The following PTH2R variants were observed in gnomAD, a reference collection of about 807,000 sequenced individuals.
PTH2R encodes PTH2 receptor.
A neutral mutation model predicts 60.3 loss-of-function variants in PTH2R; 59 were observed. The observed-to-expected ratio is 0.98, with a 90% CI of 0.79 to 1.22. The LOEUF (loss-of-function observed/expected upper bound fraction) is 1.22. Among genes scored for constraint, PTH2R ranks in the 50% most tolerant of loss-of-function variants. PTH2R has a pLI of 0.00. For missense variants in PTH2R, 749 were observed against 682.6 expected (o/e 1.10, Z -1.08); for synonymous variants, 256 against 243.8 (o/e 1.05, Z -0.47).
chr2:208,374,094 G>T (rs1178304973), intron 1 of PTH2R, among the ~76,000 whole-genome samples: 5 of 150,514 alleles, frequency 3.3e-5, no homozygotes, highest in Admixed American at 2.6e-4. Flanking sequence ...AAGTGGGAGG[G>T]TCTTTTTTGC....
At chr2:208,379,488 C>T (rs1700872111) in intron 1 of PTH2R, among the ~76,000 whole-genome samples, 1 of 152,106 alleles carries the variant, frequency 6.6e-6, no homozygotes, top group South Asian at 2.1e-4. Flanking sequence ...AAGATATTTG[C>T]TGCATTCAAA....
chr2:208,381,153 T>C (rs1700905933), intron 1 of PTH2R, among the ~76,000 whole-genome samples: 1 of 152,018 alleles, frequency 6.6e-6, no homozygotes, highest in South Asian at 2.1e-4. Flanking sequence ...TTTCAGACCC[T>C]CAGAACCCCA....
chr2:208,429,780 A>T lies in PTH2R; in HGVS notation c.178+1477A>T, dbSNP rs530403262. On this transcript the variant is annotated intron_variant, in intron 2 of 12. Coordinates refer to ENST00000272847, the MANE Select transcript of PTH2R (RefSeq NM_005048.4). ...ATTAAATAACAACTCATATTTCCTC[A>T]TTCTTTTATTAAACTTTTCTGTATA... 4.2e-3 allele frequency among the ~76,000 whole-genome samples: 646 copies of T among 152,270 alleles called. 2 individuals carry two copies. Among genetic ancestry groups the T allele is most frequent in the Non-Finnish European group, 6.9e-3 (468 of 68,014 alleles).
At chr2:208,450,957 C>T (rs1355618729) in intron 8 of PTH2R, 148 bp downstream of exon 8, 3 of 837,352 alleles carry the variant, frequency 3.6e-6, no homozygotes, top group Non-Finnish European at 5.9e-6. Flanking sequence ...ATGGTAGCTT[C>T]CAACACATTA....
At chr2:208,444,964 T>A in intron 7 of PTH2R, 77 bp downstream of exon 7, 1 of 1,420,472 alleles carries the variant, frequency 7.0e-7, no homozygotes, top group Non-Finnish European at 9.6e-7. Flanking sequence ...ATCATTAGCA[T>A]CCCTACAGCC....
intron 1 of PTH2R, among the ~76,000 whole-genome samples, chr2:208,419,340 C>T (rs886703509): frequency 1.3e-5 from 2 of 152,214 alleles, no homozygotes; most frequent in African/African-American, 2.4e-5. Flanking sequence ...AGTGTCTGTT[C>T]ATGTGCTTCG....
Position 208,490,621 on chromosome 2 carries a change from T to G in PTH2R, c.1216-18T>G, listed in dbSNP as rs781411617. ...GTTTCTGAGTTGGCAGTGGGCTGAC[T>G]TTCTCTTTTGTCTGCAGGGTTTCTT... is the stretch of plus-strand genomic sequence containing the variant. On this transcript the variant is annotated intron_variant, in intron 11 of 12. Coordinates refer to ENST00000272847, the MANE Select transcript of PTH2R (RefSeq NM_005048.4). 3.4e-5 allele frequency: 55 copies of G among 1,604,838 alleles called. No homozygotes were observed. The highest frequency in any genetic ancestry group is 4.3e-5 in the Non-Finnish European group (51 of 1,178,118).
At chr2:208,429,430 T>A (rs1701925575) in intron 2 of PTH2R, among the ~76,000 whole-genome samples, 1 of 152,184 alleles carries the variant, frequency 6.6e-6, no homozygotes, top group Non-Finnish European at 1.5e-5. Flanking sequence ...ATATTAGATT[T>A]CCTGGTGAAT....
chr2:208,487,433 C>T lies in PTH2R; in HGVS notation c.1077-1579C>T, dbSNP rs116252306. Among the ~76,000 whole-genome samples, 1,256 of 152,156 alleles carry T rather than the reference C, an allele frequency of 8.3e-3. 5 individuals are homozygous for T. Among genetic ancestry groups the T allele is most frequent in the Non-Finnish European group, 0.012 (837 of 67,976 alleles). ...TGAGATTATTAGAGTGTAAATAATTCACAGAGAAAGGGAGATATTTGCAAT... is the reference window on the plus strand; with the variant it reads ...TGAGATTATTAGAGTGTAAATAATTTACAGAGAAAGGGAGATATTTGCAAT... On this transcript the variant is annotated intron_variant, in intron 10 of 12. Coordinates refer to ENST00000272847, the MANE Select transcript of PTH2R (RefSeq NM_005048.4).
intron 4 of PTH2R, among the ~76,000 whole-genome samples, chr2:208,440,344 A>AT (rs1396689398): frequency 1.3e-5 from 2 of 152,104 alleles, no homozygotes; most frequent in Non-Finnish European, 2.9e-5. Context: ...AATTTGTAAG[A>AT]TTTTTTTTCT....
At chr2:208,409,177 C>T (rs755316016) in intron 1 of PTH2R, among the ~76,000 whole-genome samples, 4 of 151,986 alleles carry the variant, frequency 2.6e-5, no homozygotes, top group Non-Finnish European at 5.9e-5. Flanking sequence ...TTACATTTGC[C>T]GAATTTTTGA....
rs1702228327 is a variant in PTH2R, at chr2:208,443,458, T to G, written c.620T>G (p.Val207Gly). 6.2e-7 allele frequency: 1 copy of G among 1,613,598 alleles called. No homozygotes were observed. The highest frequency in any genetic ancestry group is 1.7e-5 in the Admixed American group (1 of 59,932). ...AGAGTAGTCCATGCTCACATAGGAG[T>G]AAAGGAGCTGGAGTCCCTAATAATG... ...KDRVVHAHIG[V>G]KELESLIMQD... The change falls in exon 6 of 13, where the codon GTA becomes GGA. Residue 207 changes from valine (V) to glycine (G), a missense_variant. Val to Gly is a moderately radical substitution (Grantham distance 109, BLOSUM62 -3). Transcript: ENST00000272847.
At chr2:208,445,994 A>T (rs1702281329) in intron 7 of PTH2R, among the ~76,000 whole-genome samples, 2 of 152,158 alleles carry the variant, frequency 1.3e-5, no homozygotes, top group South Asian at 4.1e-4. Context: ...TTTCTTGACA[A>T]TTTGTGGTAG....
At chr2:208,471,126 G>A (rs1436356548) in intron 9 of PTH2R, among the ~76,000 whole-genome samples, 1 of 152,168 alleles carries the variant, frequency 6.6e-6, no homozygotes, top group Non-Finnish European at 1.5e-5. Context: ...AAGGCATTTA[G>A]TTTTAAAAGG....
chr2:208,457,294 C>T (rs1255329181), intron 8 of PTH2R, among the ~76,000 whole-genome samples: 3 of 152,112 alleles, frequency 2.0e-5, no homozygotes, highest in African/African-American at 7.2e-5. Flanking sequence ...ATGTGAAAAA[C>T]AGATACATGT....
intron 1 of PTH2R, among the ~76,000 whole-genome samples, chr2:208,365,302 T>C (rs1366550880): frequency 6.6e-6 from 1 of 152,188 alleles, no homozygotes; most frequent in Non-Finnish European, 1.5e-5. Flanking sequence ...CTGTGGACTT[T>C]TCCTAAACAA....
chr2:208,489,356 A>G (rs1189977293), intron 11 of PTH2R, among the ~76,000 whole-genome samples: 1 of 152,176 alleles, frequency 6.6e-6, no homozygotes, highest in African/African-American at 2.4e-5. Context: ...CAGCAGGAGC[A>G]GTTCTGGAGC....
chr2:208,411,581 GAC>G (rs1396661553), intron 1 of PTH2R, among the ~76,000 whole-genome samples: 6 of 152,116 alleles, frequency 3.9e-5, no homozygotes, highest in Non-Finnish European at 7.4e-5. Flanking sequence ...AATTCTTTGT[GAC>G]AAAATAAAAT....
At chr2:208,410,799 A>G (rs1701525855) in intron 1 of PTH2R, among the ~76,000 whole-genome samples, 1 of 152,206 alleles carries the variant, frequency 6.6e-6, no homozygotes, top group African/African-American at 2.4e-5. Flanking sequence ...AAATGCTTGT[A>G]TATGGGAGGT....
Sources: allele counts gnomAD v4.1 joint callset (sites outside exome capture counted in the v4.1 genomes callset), GRCh38; gene constraint gnomAD v4.1.1; transcripts MANE v1.5; gene names NCBI Gene and HGNC (gene_info 2026-07-23, HGNC 2026-07-21).